Variants in TOX observed in about 807,000 individuals in gnomAD.
TOX encodes thymocyte selection associated high mobility group box.
A neutral mutation model predicts 53.7 loss-of-function variants in TOX; 11 were observed. That is an observed-to-expected ratio of 0.20 (90% CI 0.13 to 0.34). The LOEUF (loss-of-function observed/expected upper bound fraction) is 0.34. Ranked by LOEUF, TOX falls within the 10% of genes least tolerant of loss-of-function variation. The probability of loss-of-function intolerance (pLI) is 1.00; values close to 1 mark genes in which losing one functional copy is unlikely to be tolerated. For synonymous variants in TOX, 225 were observed against 245.3 expected, an observed-to-expected ratio of 0.92 and a Z score of 0.77; for missense variants, 570 against 664.6, an observed-to-expected ratio of 0.86 and a Z score of 1.56.
At chr8:59,090,651 A>C (rs1458256322) in intron 1 of TOX, among the ~76,000 whole-genome samples, 1 of 152,174 alleles carries the variant, frequency 6.6e-6, no homozygotes, top group Non-Finnish European at 1.5e-5. Context: ...CTGGGTCCTC[A>C]GTGCTGCTCA....
At chr8:58,991,823 T>G (rs1362814170) in intron 1 of TOX, 1 of 152,412 alleles carries the variant, frequency 6.6e-6, no homozygotes, top group East Asian at 1.9e-4. Context: ...CAAACACTTG[T>G]GGAGACAGCG....
At chr8:59,052,625 T>A (rs1048791692) in intron 1 of TOX, among the ~76,000 whole-genome samples, 1 of 152,184 alleles carries the variant, frequency 6.6e-6, no homozygotes, top group Admixed American at 6.5e-5. Context: ...ATATATGCTG[T>A]TATGTTTTTA....
At chr8:59,098,656 C>T (rs1804754075) in intron 1 of TOX, among the ~76,000 whole-genome samples, 1 of 152,154 alleles carries the variant, frequency 6.6e-6, no homozygotes, top group Admixed American at 6.5e-5. Context: ...AATCTGTGAA[C>T]AGGACAGGAA....
chr8:58,983,280 G>A (rs1259213844), intron 1 of TOX, among the ~76,000 whole-genome samples: 1 of 152,150 alleles, frequency 6.6e-6, no homozygotes, highest in Non-Finnish European at 1.5e-5. Context: ...CTCCTAGGAG[G>A]CTTGTTAATA....
At chr8:58,949,945 C>T (rs1392711775) in intron 2 of TOX, among the ~76,000 whole-genome samples, 23 of 123,668 alleles carry the variant, frequency 1.9e-4, no homozygotes, top group African/African-American at 5.7e-4. Flanking sequence ...TTCATATACA[C>T]GTGTAATATA....
At chr8:59,001,968 A>G (rs1471437752) in intron 1 of TOX, among the ~76,000 whole-genome samples, 1 of 131,922 alleles carries the variant, frequency 7.6e-6, no homozygotes, top group Non-Finnish European at 1.6e-5. Context: ...ATACAGAAGT[A>G]CTTTTTTTTT....
chr8:58,944,390 A>G (rs1053182550), intron 2 of TOX, among the ~76,000 whole-genome samples: 9 of 152,250 alleles, frequency 5.9e-5, no homozygotes, highest in Non-Finnish European at 1.3e-4. Flanking sequence ...ATAGAGAGTC[A>G]ATTACTATTT....
At chr8:58,949,428 T>A (rs1285579845) in intron 2 of TOX, among the ~76,000 whole-genome samples, 1 of 152,198 alleles carries the variant, frequency 6.6e-6, no homozygotes, top group East Asian at 1.9e-4. Context: ...ACTTATTTCC[T>A]TAGGATAACA....
At chr8:58,891,701 CT>C (rs1436796777) in intron 3 of TOX, among the ~76,000 whole-genome samples, 1 of 152,196 alleles carries the variant, frequency 6.6e-6, no homozygotes, top group African/African-American at 2.4e-5. Flanking sequence ...GTTAAGCTCC[CT>C]TGTTGAACTG....
intron 1 of TOX, among the ~76,000 whole-genome samples, chr8:58,965,311 G>A (rs1283641118): frequency 6.6e-6 from 1 of 152,074 alleles, no homozygotes. Flanking sequence ...CATATAAAAA[G>A]TCATTTATAA....
At chr8:58,884,525 A>G (rs2129171228) in intron 3 of TOX, among the ~76,000 whole-genome samples, 1 of 152,306 alleles carries the variant, frequency 6.6e-6, no homozygotes, top group African/African-American at 2.4e-5. Flanking sequence ...GAAATGCATT[A>G]CAATAGACTG....
intron 3 of TOX, among the ~76,000 whole-genome samples, chr8:58,904,069 G>C (rs564014396): frequency 6.6e-6 from 1 of 152,266 alleles, no homozygotes; most frequent in East Asian, 1.9e-4. Flanking sequence ...ATGAGGCTCA[G>C]ATCATGTTTT....
intron 1 of TOX, among the ~76,000 whole-genome samples, chr8:59,091,722 G>A (rs1804610581): frequency 6.6e-6 from 1 of 152,024 alleles, no homozygotes; most frequent in Non-Finnish European, 1.5e-5. Context: ...TGTTATAAAT[G>A]ACTTTCTTTC....
chr8:59,036,570 C>G (rs912933687), intron 1 of TOX, among the ~76,000 whole-genome samples: 2 of 152,226 alleles, frequency 1.3e-5, no homozygotes, highest in African/African-American at 4.8e-5. Context: ...CTCTACCCAA[C>G]AGTTAATCTA....
chr8:58,837,414 T>C (rs1221978919), intron 5 of TOX, among the ~76,000 whole-genome samples: 3 of 152,234 alleles, frequency 2.0e-5, no homozygotes, highest in African/African-American at 7.2e-5. Context: ...ATCCTCTCAC[T>C]GAACCCTCAC....
intron 1 of TOX, among the ~76,000 whole-genome samples, chr8:58,998,493 G>GTATATA (rs61434586): frequency 1.2e-3 from 78 of 63,588 alleles, no homozygotes; most frequent in East Asian, 2.9e-3. Flanking sequence ...CATCTCAAAA[G>GTATATA]TATATATATA....
At chr8:58,982,207 C>T (rs967724697) in intron 1 of TOX, among the ~76,000 whole-genome samples, 2 of 152,154 alleles carry the variant, frequency 1.3e-5, no homozygotes, top group Non-Finnish European at 1.5e-5. Flanking sequence ...CCAGCCCTTC[C>T]CACTTGGATC....
At chr8:59,094,729 C>T (rs565890594) in intron 1 of TOX, among the ~76,000 whole-genome samples, 182 of 152,218 alleles carry the variant, frequency 1.2e-3, no homozygotes, top group Non-Finnish European at 2.1e-3. Flanking sequence ...GAAGCAAACC[C>T]GCAGACCGCA....
intron 1 of TOX, among the ~76,000 whole-genome samples, chr8:59,060,772 A>G (rs984309624): frequency 6.6e-6 from 1 of 152,212 alleles, no homozygotes; most frequent in African/African-American, 2.4e-5. Context: ...GTAACATCAA[A>G]AATTAAATAA....
Sources: gnomAD v4.1 joint callset for allele counts (sites outside exome capture counted in the v4.1 genomes callset) on GRCh38, gnomAD v4.1.1 for gene constraint, MANE v1.5 for transcripts, NCBI Gene and HGNC (gene_info 2026-07-23, HGNC 2026-07-21) for gene names.